Variants in KLHL18 observed in about 807,000 individuals in gnomAD.
KLHL18 encodes kelch like family member 18, also known as kelch-like protein 18.
In KLHL18, 38 loss-of-function variants were observed where a neutral mutation model predicts 58.5. The ratio of observed to expected loss-of-function variants is 0.65; its 90% CI spans 0.50 to 0.85. The LOEUF (loss-of-function observed/expected upper bound fraction) is 0.85, where lower values mean the gene tolerates loss of function less well. Ranked by LOEUF, KLHL18 falls within the 40% of genes least tolerant of loss-of-function variation. The pLI is 0.00. For synonymous variants in KLHL18, 303 were observed against 301.9 expected (o/e 1.00, Z -0.04); for missense variants, 624 against 778.4 (o/e 0.80, Z 2.36).
intron 8 of KLHL18, 69 bp from the exon 9 acceptor site, chr3:47,342,645 CCTGCT>C: frequency 8.2e-7 from 1 of 1,219,218 alleles, no homozygotes; most frequent in East Asian, 2.3e-5. Flanking sequence ...TCACCTAAAC[CCTGCT>C]AGGCTGTCTT....
chr3:47,343,816 G>A lies in KLHL18; in HGVS notation c.1600G>A (p.Gly534Arg), dbSNP rs746115947. 6.8e-6 allele frequency: 11 copies of A among 1,614,186 alleles called. No homozygotes were observed. Among genetic ancestry groups the A allele is most frequent in the Admixed American group, 6.7e-5 (4 of 60,028 alleles). Reference protein sequence around the residue: ...GRLYAVGGYDGQSNLSSVEMY... With the variant: ...GRLYAVGGYDRQSNLSSVEMY... ...CCTCTACGCTGTTGGGGGCTACGAC[G>A]GACAGTCAAACCTAAGCTCAGTGGA... The change falls in exon 10 of 10, where the codon GGA becomes AGA. Residue 534 changes from glycine to arginine, a missense_variant. By Grantham distance (125) the Gly-to-Arg change is moderately radical. Coordinates refer to ENST00000232766, the MANE Select transcript of KLHL18 (RefSeq NM_025010.5).
At chr3:47,305,428 C>T (rs1576149063) in intron 1 of KLHL18, among the ~76,000 whole-genome samples, 1 of 114,262 alleles carries the variant, frequency 8.8e-6, no homozygotes, top group African/African-American at 3.3e-5. Flanking sequence ...GATTTATTTT[C>T]AAATATTAAG....
At chr3:47,304,257 C>G (rs190849650) in intron 1 of KLHL18, among the ~76,000 whole-genome samples, 24 of 152,282 alleles carry the variant, frequency 1.6e-4, no homozygotes, top group South Asian at 6.2e-4. Flanking sequence ...GTAATCCCAG[C>G]ACTTTGGGAG....
intron 1 of KLHL18, among the ~76,000 whole-genome samples, chr3:47,301,920 C>T (rs569564454): frequency 3.9e-5 from 6 of 152,192 alleles, no homozygotes; most frequent in South Asian, 4.1e-4. Flanking sequence ...CTCAGCCTCC[C>T]GAGCAGTTGG....
chr3:47,340,642 A>G lies in KLHL18; in HGVS notation c.1192A>G (p.Ser398Gly), dbSNP rs984152809. The change falls in exon 8 of 10, where the codon AGC (serine) becomes GGC (glycine). Residue 398 changes from serine (S) to glycine (G), a missense_variant. Transcript: ENST00000232766. ...CGGYDGNSSL[S>G]SVETYSPETD... ...GGGCTACGATGGCAACTCTTCCCTC[A>G]GCTCCGTGGAGACCTACTCACCTGA... 2 of 1,614,020 alleles carry G rather than the reference A, an allele frequency of 1.2e-6. No individual in the cohort carries two copies. Among genetic ancestry groups the G allele is most frequent in the African/African-American group, 1.3e-5 (1 of 75,000 alleles).
At chr3:47,305,539 A>G (rs1040087488) in intron 1 of KLHL18, among the ~76,000 whole-genome samples, 1 of 151,854 alleles carries the variant, frequency 6.6e-6, no homozygotes, top group Non-Finnish European at 1.5e-5. Flanking sequence ...ATTTTTGCAT[A>G]TATATTCATG....
At chr3:47,286,877 C>T (rs1702686969) in intron 1 of KLHL18, among the ~76,000 whole-genome samples, 1 of 152,228 alleles carries the variant, frequency 6.6e-6, no homozygotes. Context: ...GGTACCACTT[C>T]CTTGTCTTCT....
chr3:47,294,266 T>A (rs1576135003), intron 1 of KLHL18, among the ~76,000 whole-genome samples: 1 of 152,184 alleles, frequency 6.6e-6, no homozygotes, highest in Non-Finnish European at 1.5e-5. Flanking sequence ...TTCAGCAGGG[T>A]GCTCAGCAGG....
Position 47,282,956 on chromosome 3 carries a change from G to A in KLHL18, c.-10G>A. On this transcript the variant is annotated 5_prime_UTR_variant, in exon 1 of 10. Coordinates refer to ENST00000232766, the MANE Select transcript of KLHL18 (RefSeq NM_025010.5). ...CGGCGAGGCCTGCGCAGTTGCAGCGGCCGGGGAAGATGGTGGAGGACGGCG... is the reference window on the plus strand; with the variant it reads ...CGGCGAGGCCTGCGCAGTTGCAGCGACCGGGGAAGATGGTGGAGGACGGCG... The A allele has an allele frequency of 6.2e-7, 1 of 1,607,484 alleles. No homozygotes were observed. Among genetic ancestry groups the A allele is most frequent in the Non-Finnish European group, 8.5e-7 (1 of 1,177,552 alleles).
At chr3:47,321,222 G>A (rs1043490739) in intron 2 of KLHL18, among the ~76,000 whole-genome samples, 2 of 152,072 alleles carry the variant, frequency 1.3e-5, no homozygotes, top group Non-Finnish European at 2.9e-5. Flanking sequence ...AGGCTGGAGT[G>A]CAGTGGTGTG....
chr3:47,346,554 G>T lies in KLHL18; in HGVS notation c.*2613G>T, dbSNP rs1704229687. On this transcript the variant is annotated 3_prime_UTR_variant, in exon 10 of 10. Transcript: ENST00000232766. Reference sequence around the variant, plus strand: ...TGTACTCAGTGGGCCTTGGGGCCTAGCCCAGCTCTGAGCAGAGGACTGTGG... The same window carrying T: ...TGTACTCAGTGGGCCTTGGGGCCTATCCCAGCTCTGAGCAGAGGACTGTGG... 1 of 152,558 alleles carries T rather than the reference G, an allele frequency of 6.6e-6. No homozygotes were observed. Among genetic ancestry groups the T allele is most frequent in the African/African-American group, 2.4e-5 (1 of 41,466 alleles). The allele number at this position is 152,558 out of a possible 1,614,324, so 9.5% of individuals were successfully genotyped here.
intron 1 of KLHL18, among the ~76,000 whole-genome samples, chr3:47,292,474 C>CA (rs77651411): frequency 4.6e-4 from 61 of 131,536 alleles, no homozygotes; most frequent in African/African-American, 7.6e-4. Context: ...AACTCCATCT[C>CA]AAAAAAAAAA....
chr3:47,325,107 C>T (rs1274975527), intron 3 of KLHL18, among the ~76,000 whole-genome samples: 3 of 152,262 alleles, frequency 2.0e-5, no homozygotes, highest in Admixed American at 6.5e-5. Context: ...CCCTGAGCCT[C>T]GCTACAGAAT....
chr3:47,296,295 AGT>A (rs1443476167), intron 1 of KLHL18, among the ~76,000 whole-genome samples: 1 of 152,176 alleles, frequency 6.6e-6, no homozygotes, highest in East Asian at 1.9e-4. Flanking sequence ...TCTCTTACCT[AGT>A]ATAGTTCTTA....
At chr3:47,289,375 T>G (rs1174347294) in intron 1 of KLHL18, among the ~76,000 whole-genome samples, 1 of 152,190 alleles carries the variant, frequency 6.6e-6, no homozygotes, top group African/African-American at 2.4e-5. Context: ...AGGTACAGTA[T>G]TAGAATATTT....
chr3:47,291,788 A>G (rs774687018), intron 1 of KLHL18, among the ~76,000 whole-genome samples: 2 of 152,230 alleles, frequency 1.3e-5, no homozygotes, highest in Non-Finnish European at 2.9e-5. Context: ...ATACAAATGA[A>G]CCGGAAGTGA....
chr3:47,300,921 T>G (rs941450256), intron 1 of KLHL18, among the ~76,000 whole-genome samples: 1 of 152,056 alleles, frequency 6.6e-6, no homozygotes, highest in African/African-American at 2.4e-5. Context: ...TTACAGTCAT[T>G]GAGTCACCAC....
chr3:47,331,408 G>A (rs958114966), intron 4 of KLHL18, among the ~76,000 whole-genome samples: 38 of 144,178 alleles, frequency 2.6e-4, no homozygotes, highest in Non-Finnish European at 6.0e-5. Context: ...TTATAAGCAT[G>A]AGCCATCATG....
intron 8 of KLHL18, among the ~76,000 whole-genome samples, chr3:47,340,946 G>A (rs1704096411): frequency 6.6e-6 from 1 of 151,994 alleles, no homozygotes; most frequent in South Asian, 2.1e-4. Flanking sequence ...CCATTTTAAT[G>A]GAAATACAGG....
Sources: gnomAD v4.1 joint callset for allele counts (sites outside exome capture counted in the v4.1 genomes callset) on GRCh38, gnomAD v4.1.1 for gene constraint, MANE v1.5 for transcripts, NCBI Gene and HGNC (gene_info 2026-07-23, HGNC 2026-07-21) for gene names.